RICTOR: variants seen among roughly 807,000 people sequenced by gnomAD.
RICTOR encodes the protein RPTOR independent companion of MTOR complex 2, also known as rapamycin-insensitive companion of mTOR.
In RICTOR, 49 loss-of-function variants were observed where a neutral mutation model predicts 214.9. That is an observed-to-expected ratio of 0.23 (90% CI 0.18 to 0.29). The LOEUF is 0.29. Among genes scored for constraint, RICTOR ranks in the 10% least tolerant of loss-of-function variants. The pLI is 1.00. For missense variants in RICTOR, 1,625 were observed against 2,047.0 expected, an observed-to-expected ratio of 0.79 and a Z score of 3.98; for synonymous variants, 717 against 711.3, an observed-to-expected ratio of 1.01 and a Z score of -0.13.
rs1317821313 is a variant in RICTOR, at chr5:38,939,628, T to A, written c.*2676A>T. The A allele has an allele frequency of 8.6e-6, 2 of 231,350 alleles. No individual in the cohort carries two copies. Among genetic ancestry groups the A allele is most frequent in the Non-Finnish European group, 1.7e-5 (2 of 116,994 alleles). The allele number at this position is 231,350 out of a possible 1,614,324, so 14.3% of individuals were successfully genotyped here. ...AGTTCAATTAGAAATAACAATTCAC[T>A]TTACGATTAGAAATTCATAGTTTAC... is the stretch of plus-strand genomic sequence containing the variant. On this transcript the variant is annotated 3_prime_UTR_variant, in exon 38 of 38. Coordinates refer to ENST00000357387, the MANE Select transcript of RICTOR (RefSeq NM_152756.5).
chr5:39,044,822 T>G (rs1466998554), intron 2 of RICTOR, among the ~76,000 whole-genome samples: 1 of 152,202 alleles, frequency 6.6e-6, no homozygotes, highest in Admixed American at 6.5e-5. Context: ...TCCTTTTCTA[T>G]TCCACCCTCT....
chr5:39,053,805 T>C (rs1758010589), intron 2 of RICTOR, among the ~76,000 whole-genome samples: 1 of 143,392 alleles, frequency 7.0e-6, no homozygotes, highest in Non-Finnish European at 1.5e-5. Flanking sequence ...GGCAGGAGAA[T>C]GGCGTGAACC....
At chr5:39,014,849 C>G (rs979665350) in intron 3 of RICTOR, among the ~76,000 whole-genome samples, 2 of 152,114 alleles carry the variant, frequency 1.3e-5, no homozygotes, top group Non-Finnish European at 2.9e-5. Flanking sequence ...GAAGTTCACC[C>G]TATACAACAT....
At chr5:39,035,685 T>C (rs558601982) in intron 2 of RICTOR, among the ~76,000 whole-genome samples, 2 of 152,278 alleles carry the variant, frequency 1.3e-5, no homozygotes, top group South Asian at 2.1e-4. Context: ...CAAGCCTCAG[T>C]AGCCGATTCG....
intron 3 of RICTOR, 121 bp downstream of exon 3, chr5:39,020,918 G>T (rs1323678500): frequency 3.2e-6 from 2 of 634,224 alleles, no homozygotes; most frequent in South Asian, 4.0e-5. Context: ...AAGCAGGAAA[G>T]AAAAGCATTA....
rs746712836 is a variant in RICTOR at position 38,944,534 on chromosome 5, G to A, written c.4825C>T (p.Arg1609Cys). 1.9e-6 allele frequency: 3 copies of A among 1,608,704 alleles called. No individual in the cohort carries two copies. Among genetic ancestry groups the A allele is most frequent in the East Asian group, 2.2e-5 (1 of 44,772 alleles). ...KTIPDDTPMC[R>C]ILLRKEVLRL... The stretch of plus-strand genomic sequence containing the variant: ...AGAACTTCTTTGCGAAGGAGTATAC[G>A]GCACATTGGTGTATCATCTGGAATT... The change falls in exon 36 of 38, where the codon CGT (arginine) becomes TGT (cysteine). Residue 1609 changes from arginine to cysteine, a missense_variant. This residue lies in a region of RICTOR where 44 missense variants were observed against 90.1 expected (regional missense o/e 0.49). Transcript: ENST00000357387.
Position 38,960,533 on chromosome 5 carries a change from C to T in RICTOR, c.1716G>A (p.Arg572=). 4 of 1,612,036 alleles carry T rather than the reference C, an allele frequency of 2.5e-6. No individual in the cohort carries two copies. Among genetic ancestry groups the T allele is most frequent in the Non-Finnish European group, 2.5e-6 (3 of 1,179,116 alleles). Reference sequence around the variant, plus strand: ...AAAAATAAAGTAGTCTTCGTACAAACCTAAAATCAAAACACAAGTAGCAAA... The same window carrying T: ...AAAAATAAAGTAGTCTTCGTACAAATCTAAAATCAAAACACAAGTAGCAAA... ...LRNYKDEQLH[R]FVRRLLYFYK... The change falls in exon 20 of 38, where the codon AGG becomes AGA. Residue 572 remains arginine, a splice_region_variant and synonymous_variant. Coordinates refer to ENST00000357387, the MANE Select transcript of RICTOR (RefSeq NM_152756.5).
chr5:39,014,099 C>T (rs557625117), intron 3 of RICTOR, among the ~76,000 whole-genome samples: 13 of 152,180 alleles, frequency 8.5e-5, no homozygotes, highest in South Asian at 4.1e-4. Context: ...ACAGACTATA[C>T]CACATAGCCT....
At chr5:39,058,750 G>A (rs1301658410) in intron 2 of RICTOR, among the ~76,000 whole-genome samples, 1 of 151,888 alleles carries the variant, frequency 6.6e-6, no homozygotes, top group Non-Finnish European at 1.5e-5. Flanking sequence ...CTTTTTCTCT[G>A]TAGAAATACT....
intron 2 of RICTOR, among the ~76,000 whole-genome samples, chr5:39,068,948 T>C (rs1179328834): frequency 6.6e-6 from 1 of 152,208 alleles, no homozygotes; most frequent in Non-Finnish European, 1.5e-5. Context: ...ACTGGTTAAG[T>C]TACCTGTTTG....
chr5:39,069,372 A>G (rs1759143247), intron 2 of RICTOR, among the ~76,000 whole-genome samples: 2 of 152,212 alleles, frequency 1.3e-5, no homozygotes, highest in African/African-American at 4.8e-5. Flanking sequence ...TGCTTGCTGA[A>G]CATGAGAAAA....
chr5:39,006,231 T>C (rs1329932665), intron 3 of RICTOR, among the ~76,000 whole-genome samples: 2 of 152,218 alleles, frequency 1.3e-5, no homozygotes, highest in South Asian at 2.1e-4. Context: ...TCTGCACTTA[T>C]TGTTGCCCGA....
chr5:39,034,886 G>C (rs1490274147), intron 2 of RICTOR, among the ~76,000 whole-genome samples: 1 of 152,220 alleles, frequency 6.6e-6, no homozygotes. Context: ...TCCACCTCTG[G>C]GGGCAGGGCA....
At chr5:39,056,756 T>TA (rs1310319445) in intron 2 of RICTOR, among the ~76,000 whole-genome samples, 1 of 151,618 alleles carries the variant, frequency 6.6e-6, no homozygotes, top group Non-Finnish European at 1.5e-5. Flanking sequence ...TGAACAGAGT[T>TA]AAACAGTGAG....
At position 38,947,300 on chromosome 5, in the gene RICTOR, A is replaced by G. The variant is rs764718998; in HGVS notation, c.4278T>C (p.Gly1426=). The G allele has an allele frequency of 1.2e-6, 2 of 1,612,854 alleles. No homozygotes were observed. The highest frequency in any genetic ancestry group is 2.7e-5 in the African/African-American group (2 of 74,866). Residue 1426 remains glycine (G), a synonymous_variant, in exon 32 of 38, where the codon GGT becomes GGC. Transcript: ENST00000357387. ...ATYGGSDDYI[G]LALPVDINDI... ...CATTTATATCCACCGGGAGAGCAAG[A>G]CCAATGTAATCATCTGAACCCCCAT...
chr5:38,973,511 T>C (rs1374974877), intron 10 of RICTOR, among the ~76,000 whole-genome samples: 1 of 152,206 alleles, frequency 6.6e-6, no homozygotes, highest in Admixed American at 6.5e-5. Context: ...TCAATTTTTC[T>C]GTATGTTTCA....
intron 3 of RICTOR, among the ~76,000 whole-genome samples, chr5:39,005,172 T>C (rs1163845266): frequency 6.6e-6 from 1 of 152,202 alleles, no homozygotes; most frequent in Non-Finnish European, 1.5e-5. Context: ...CCTTTGTAGC[T>C]ATCCTGCTTA....
At chr5:38,973,130 A>G (rs1750923568) in intron 10 of RICTOR, among the ~76,000 whole-genome samples, 2 of 152,300 alleles carry the variant, frequency 1.3e-5, no homozygotes, top group Non-Finnish European at 1.5e-5. Flanking sequence ...AGGAAAGAGT[A>G]TAAGAGAACT....
At chr5:38,986,539 A>G (rs1023266545) in intron 7 of RICTOR, among the ~76,000 whole-genome samples, 2 of 152,234 alleles carry the variant, frequency 1.3e-5, no homozygotes, top group Non-Finnish European at 2.9e-5. Context: ...CATTGAAATT[A>G]TTTGTTAAAT....
Sources: gnomAD v4.1 joint callset for allele counts (sites outside exome capture counted in the v4.1 genomes callset) on GRCh38, gnomAD v4.1.1 for gene constraint, gnomAD v4.1.1 regional missense constraint, MANE v1.5 for transcripts, NCBI Gene and HGNC (gene_info 2026-07-23, HGNC 2026-07-21) for gene names.